The following HAT1 variants were observed in gnomAD, a reference collection of about 807,000 sequenced individuals.
HAT1 encodes histone acetyltransferase 1.
In HAT1, 20 loss-of-function variants were observed where a neutral mutation model predicts 56.6. That is an observed-to-expected ratio of 0.35 (90% CI 0.25 to 0.51). The LOEUF is 0.51. Ranked by LOEUF, HAT1 falls within the 20% of genes least tolerant of loss-of-function variation. HAT1 has a pLI of 0.95. For synonymous variants in HAT1, 146 were observed against 165.5 expected (o/e 0.88, Z 0.91); for missense variants, 408 against 504.3 (o/e 0.81, Z 1.83).
chr2:171,979,196 G>A (rs375783524), intron 9 of HAT1, 51 bp from the exon 10 acceptor site: 4 of 824,148 alleles, frequency 4.9e-6, no homozygotes, highest in Non-Finnish European at 8.0e-6. Context: ...TTGGGAAAGT[G>A]TCATTATTTT....
chr2:171,956,346 A>G (rs1215281009), intron 4 of HAT1, among the ~76,000 whole-genome samples: 2 of 151,862 alleles, frequency 1.3e-5, no homozygotes, highest in African/African-American at 2.4e-5. Flanking sequence ...ATGCACACAC[A>G]CACACGCTGA....
intron 7 of HAT1, 24 bp from the exon 8 acceptor site, chr2:171,966,819 T>TTTAAAA: frequency 1.8e-6 from 2 of 1,102,698 alleles, no homozygotes; most frequent in Non-Finnish European, 2.8e-6. Flanking sequence ...ATATTTTAAT[T>TTTAAAA]TTAAAATAAT....
At chr2:171,922,605 C>T (rs1686466755) in intron 1 of HAT1, 98 bp downstream of exon 1, 5 of 1,063,414 alleles carry the variant, frequency 4.7e-6, no homozygotes, top group Middle Eastern at 4.5e-4. Flanking sequence ...AACTTTCGGG[C>T]TGTAGCCTGG....
At chr2:171,943,726 C>CATATATATATATATAT (rs141557606) in intron 2 of HAT1, among the ~76,000 whole-genome samples, 9 of 142,996 alleles carry the variant, frequency 6.3e-5, no homozygotes, top group African/African-American at 2.6e-5. Flanking sequence ...TATGGACATT[C>CATATATATATATATAT]ATATATATAT....
chr2:171,946,865 AT>A, intron 3 of HAT1, 82 bp downstream of exon 3: 1 of 674,428 alleles, frequency 1.5e-6, no homozygotes, highest in South Asian at 1.9e-5. Context: ...TAGAAATCAA[AT>A]TTTATTTTCT....
chr2:171,978,208 G>A (rs1448292269), intron 9 of HAT1, among the ~76,000 whole-genome samples: 1 of 151,864 alleles, frequency 6.6e-6, no homozygotes, highest in African/African-American at 2.4e-5. Flanking sequence ...GGGACTGCAG[G>A]GGTACGCCAC....
chr2:171,958,664 T>C (rs1474505630), intron 4 of HAT1, among the ~76,000 whole-genome samples: 1 of 152,172 alleles, frequency 6.6e-6, no homozygotes, highest in South Asian at 2.1e-4. Flanking sequence ...AAACCCCTTA[T>C]GGTTAAAAAT....
At chr2:171,931,534 C>T (rs769832979) in intron 2 of HAT1, among the ~76,000 whole-genome samples, 3 of 151,710 alleles carry the variant, frequency 2.0e-5, no homozygotes, top group African/African-American at 4.8e-5. Context: ...ATTAGCTGGG[C>T]GTGATGGCAC....
Position 171,922,513 on chromosome 2 carries a change from T to G in HAT1, c.7+6T>G, listed in dbSNP as rs778394722. ...TCGTAGCTCGGAAATGGCGGGTAAG[T>G]TACCGGGAAAAGTTTACCAAGGGGA... On this transcript the variant is annotated splice_donor_region_variant and intron_variant, in intron 1 of 10. Coordinates refer to ENST00000264108, the MANE Select transcript of HAT1 (RefSeq NM_003642.4). 7.6e-7 allele frequency: 1 copy of G among 1,318,100 alleles called. No individual in the cohort carries two copies. The highest frequency in any genetic ancestry group is 2.8e-5 in the East Asian group (1 of 35,738). 81.7% of individuals were successfully genotyped at this position (1,318,100 alleles called of 1,614,324 possible). A position where few individuals can be genotyped will look rare whatever the true frequency, so the allele number is the denominator to read the frequency against.
At chr2:171,972,451 G>C (rs920040083) in intron 8 of HAT1, among the ~76,000 whole-genome samples, 1 of 152,122 alleles carries the variant, frequency 6.6e-6, no homozygotes, top group African/African-American at 2.4e-5. Context: ...TTTCTGTAGA[G>C]ATGGGGTCTC....
At chr2:171,926,127 T>C (rs944410837) in intron 2 of HAT1, among the ~76,000 whole-genome samples, 4 of 152,018 alleles carry the variant, frequency 2.6e-5, no homozygotes, top group Non-Finnish European at 4.4e-5. Context: ...TCTTTCTTTT[T>C]TAAAGAGACA....
chr2:171,977,557 A>ATTTTTTT lies in HAT1; in HGVS notation c.975+1265_975+1271dup, dbSNP rs1172067451. On this transcript the variant is annotated intron_variant, in intron 9 of 10. Transcript: ENST00000264108. ...TATATATATATATATATATATATAT[A>ATTTTTTT]TTTTTTTTTTTTTTTTTTTTTTAAT... 3.6e-3 allele frequency among the ~76,000 whole-genome samples: 59 copies of ATTTTTTT among 16,278 alleles called. 2 individuals carry two copies. The highest frequency in any genetic ancestry group is 0.012 in the South Asian group (3 of 258). The allele number at this position is 16,278 out of a possible 152,430, so 10.7% of individuals were successfully genotyped here. A position where few individuals can be genotyped will look rare whatever the true frequency, so the allele number is the denominator to read the frequency against.
intron 9 of HAT1, among the ~76,000 whole-genome samples, 190 bp downstream of exon 9, chr2:171,976,498 C>T (rs1687970182): frequency 6.6e-6 from 1 of 152,056 alleles, no homozygotes; most frequent in African/African-American, 2.4e-5. Context: ...TGATTTATGG[C>T]AATTTAATTT....
chr2:171,928,811 C>A (rs962701922), intron 2 of HAT1, among the ~76,000 whole-genome samples: 1 of 152,260 alleles, frequency 6.6e-6, no homozygotes, highest in Non-Finnish European at 1.5e-5. Context: ...CCCGGCAGTT[C>A]ATTCCTTTTT....
In HAT1 at chr2:171,983,589, CCTT is replaced by C. The variant is rs564507241; in HGVS notation, c.*241_*243del. The stretch of plus-strand genomic sequence containing the variant: ...TCTGAAATACTACTGCAATTGCTTC[CCTT>C]CTTAAACAGTATAATAAATGCTTAG... On this transcript the variant is annotated 3_prime_UTR_variant, in exon 11 of 11. Coordinates refer to ENST00000264108, the MANE Select transcript of HAT1 (RefSeq NM_003642.4). 6.6e-5 allele frequency: 21 copies of C among 318,488 alleles called. No homozygotes were observed. The highest frequency in any genetic ancestry group is 4.2e-4 in the Admixed American group (9 of 21,660). 19.7% of individuals were successfully genotyped at this position (318,488 alleles called of 1,614,324 possible).
chr2:171,965,483 CAGG>C lies in HAT1; in HGVS notation c.461_463del (p.Gly154del), dbSNP rs1437130741. The stretch of plus-strand genomic sequence containing the variant: ...CATACCTACTCAGTTCTCAGTCCAA[CAGG>C]AGGAGAAAACTTTACCTTTCAGATA... On this transcript the variant is annotated inframe_deletion, in exon 5 of 11. Transcript: ENST00000264108. 2 of 1,599,750 alleles carry C rather than the reference CAGG, an allele frequency of 1.3e-6. No homozygotes were observed. Among genetic ancestry groups the C allele is most frequent in the Non-Finnish European group, 1.7e-6 (2 of 1,172,352 alleles).
chr2:171,925,621 C>A lies in HAT1; in HGVS notation c.92C>A (p.Thr31Lys). Residue 31 changes from threonine to lysine, a missense_variant, in exon 2 of 11, where the codon ACA becomes AAA. Coordinates refer to ENST00000264108, the MANE Select transcript of HAT1 (RefSeq NM_003642.4). ...KLAEYKCNTNTAIELKLVRFP... is the reference protein window; with the variant it reads ...KLAEYKCNTNKAIELKLVRFP... Reference sequence around the variant, plus strand: ...GCAGAGTACAAATGTAACACCAACACAGCAATTGAACTAAAATTAGGTATG... The same window carrying A: ...GCAGAGTACAAATGTAACACCAACAAAGCAATTGAACTAAAATTAGGTATG... The A allele has an allele frequency of 6.6e-7, 1 of 1,504,960 alleles. No individual in the cohort carries two copies. Among genetic ancestry groups the A allele is most frequent in the Non-Finnish European group, 9.3e-7 (1 of 1,080,718 alleles). 93.2% of individuals were successfully genotyped at this position (1,504,960 alleles called of 1,614,324 possible).
At chr2:171,941,757 T>G (rs760794710) in intron 2 of HAT1, among the ~76,000 whole-genome samples, 2 of 152,194 alleles carry the variant, frequency 1.3e-5, no homozygotes, top group Non-Finnish European at 2.9e-5. Context: ...TACCCATTAC[T>G]CATCTCCTGC....
chr2:171,971,154 C>T (rs550291438), intron 8 of HAT1, among the ~76,000 whole-genome samples: 7 of 152,250 alleles, frequency 4.6e-5, no homozygotes, highest in African/African-American at 9.6e-5. Flanking sequence ...GCCAAGATCG[C>T]GCCACTGTAC....
Sources: gnomAD v4.1 joint callset for allele counts (sites outside exome capture counted in the v4.1 genomes callset) on GRCh38, gnomAD v4.1.1 for gene constraint, MANE v1.5 for transcripts, NCBI Gene and HGNC (gene_info 2026-07-23, HGNC 2026-07-21) for gene names.